Variants in LAT observed in about 807,000 individuals in gnomAD.
LAT encodes the protein linker for activation of T-cells family member 1.
In LAT, 12 loss-of-function variants were observed where a neutral mutation model predicts 39.1. That is an observed-to-expected ratio of 0.31 (90% CI 0.20 to 0.50). The LOEUF is 0.50. LAT is among the 20% of genes least tolerant of loss of function. LAT has a pLI of 0.98. For synonymous variants in LAT, 117 were observed against 123.8 expected, an observed-to-expected ratio of 0.95 and a Z score of 0.36; for missense variants, 253 against 308.0, an observed-to-expected ratio of 0.82 and a Z score of 1.34.
chr16:28,985,953 C>T lies in LAT; in HGVS notation c.163+65C>T, dbSNP rs936101850. On this transcript the variant is annotated intron_variant, in intron 3 of 11. Coordinates refer to ENST00000395456, the MANE Select transcript of LAT (RefSeq NM_001014987.2). The surrounding 1 kb of genome is among the most constrained non-coding windows in gnomAD (Gnocchi z 4.6). ...GAGGGTCCCCTGGTGTGGGAGTGAG[C>T]GTGAACCTTCAGACTTCCCCTGCCA... is the stretch of plus-strand genomic sequence containing the variant. 15 of 1,569,258 alleles carry T rather than the reference C, an allele frequency of 9.6e-6. No individual in the cohort carries two copies. The South Asian group carries it at 1.1e-4, about 12-fold the overall frequency.
chr16:28,985,056 C>T lies in LAT; in HGVS notation c.-362C>T, dbSNP rs543635052. 2.1e-6 allele frequency: 3 copies of T among 1,426,940 alleles called. No individual in the cohort carries two copies. Among genetic ancestry groups the T allele is most frequent in the East Asian group, 5.1e-5 (2 of 38,878 alleles). The allele number at this position is 1,426,940 out of a possible 1,614,324, so 88.4% of individuals were successfully genotyped here. A position where few individuals can be genotyped will look rare whatever the true frequency, so the allele number is the denominator to read the frequency against. On this transcript the variant is annotated 5_prime_UTR_variant, in exon 1 of 12. Transcript: ENST00000395456. This position sits in a 1 kb window ranked among gnomAD's most constrained non-coding sequence, Gnocchi z 4.6. The stretch of plus-strand genomic sequence containing the variant: ...TGCCCTCGCCCGGCGCTCACCACAG[C>T]TTCCTGCCGCAGGCGGGCGGGAGGG...
Position 28,990,000 on chromosome 16 carries a change from G to A in LAT, c.690G>A (p.Gln230=), listed in dbSNP as rs747425519. The A allele has an allele frequency of 1.2e-6, 2 of 1,613,580 alleles. No homozygotes were observed. Among genetic ancestry groups the A allele is most frequent in the East Asian group, 2.2e-5 (1 of 44,880 alleles). Residue 230 remains glutamine, a synonymous_variant, in exon 11 of 12, where the codon CAG becomes CAA. Transcript: ENST00000395456. ...GGGCTCCAGATTACGAGAATCTGCA[G>A]GAGCTGAACTGAGGGCCTGGTGAGA... ...EEGAPDYENL[Q]ELN is the part of the protein sequence containing the mutation.
chr16:28,984,807 C>T, upstream of LAT: 1 of 1,512,702 alleles, frequency 6.6e-7, no homozygotes. Context: ...CCCTTTGTAC[C>T]CCAGAATTCC....
Position 28,985,365 on chromosome 16 carries a change from C to T in LAT, c.-53C>T. Reference sequence around the variant, plus strand: ...ACCCCATCTTCATCTGGCCTTGACTCTGCCCTTGAGGGGCCTAGGGGTGCA... The same window carrying T: ...ACCCCATCTTCATCTGGCCTTGACTTTGCCCTTGAGGGGCCTAGGGGTGCA... On this transcript the variant is annotated 5_prime_UTR_variant, in exon 1 of 12. Transcript: ENST00000395456. The surrounding 1 kb of genome is among the most constrained non-coding windows in gnomAD (Gnocchi z 4.6). 1 of 1,609,096 alleles carries T rather than the reference C, an allele frequency of 6.2e-7. No individual in the cohort carries two copies. The highest frequency in any genetic ancestry group is 8.5e-7 in the Non-Finnish European group (1 of 1,178,230).
chr16:28,989,719 C>G, intron 9 of LAT, 55 bp from the exon 10 acceptor site: 3 of 1,603,610 alleles, frequency 1.9e-6, no homozygotes, highest in Non-Finnish European at 2.6e-6. Context: ...CCCTTGCTCT[C>G]TCGCCCTCCT....
Position 28,986,363 on chromosome 16 carries a change from C to G in LAT, c.246-19C>G. The G allele has an allele frequency of 6.2e-7, 1 of 1,613,508 alleles. No individual in the cohort carries two copies. Among genetic ancestry groups the G allele is most frequent in the African/African-American group, 1.3e-5 (1 of 75,056 alleles). On this transcript the variant is annotated intron_variant, in intron 4 of 11. Transcript: ENST00000395456. The surrounding 1 kb of genome is among the most constrained non-coding windows in gnomAD (Gnocchi z 5.7). The stretch of plus-strand genomic sequence containing the variant: ...CCTGAGCCCCACCTCAGGCATGACC[C>G]CTGACCTTTGACTCCCAGAAGATCC...
In LAT at chr16:28,986,780, C is replaced by T; in HGVS notation, c.399-19C>T. 1.2e-6 allele frequency: 2 copies of T among 1,612,620 alleles called. No individual in the cohort carries two copies. The highest frequency in any genetic ancestry group is 1.7e-6 in the Non-Finnish European group (2 of 1,179,082). ...TGTGCGTCCCCCCTTGCTCACCGGC[C>T]CTTTTCACTTCCTTTCAGGGTGGTG... On this transcript the variant is annotated intron_variant, in intron 7 of 11. Transcript: ENST00000395456. This position sits in a 1 kb window ranked among gnomAD's most constrained non-coding sequence, Gnocchi z 5.7.
In LAT at chr16:28,985,524, G is replaced by C. The variant is rs1320863142; in HGVS notation, c.100+7G>C. On this transcript the variant is annotated splice_region_variant and intron_variant, in intron 1 of 11. Transcript: ENST00000395456. This position sits in a 1 kb window ranked among gnomAD's most constrained non-coding sequence, Gnocchi z 4.6. ...CACTGCCACAGACTGCCAGGTGAGT[G>C]GGAAACTGGTGGGGGTACCCAGGGC... 3 of 1,612,730 alleles carry C rather than the reference G, an allele frequency of 1.9e-6. No individual in the cohort carries two copies. The Admixed American group carries it at 5.0e-5, about 27-fold the overall frequency.
In LAT at chr16:28,986,008, G is replaced by C; in HGVS notation, c.163+120G>C. On this transcript the variant is annotated intron_variant, in intron 3 of 11. Transcript: ENST00000395456. The surrounding 1 kb of genome is among the most constrained non-coding windows in gnomAD (Gnocchi z 5.7). The stretch of plus-strand genomic sequence containing the variant: ...GGGGCTGCCCACATGGCCTTGACCT[G>C]AGCTGGGAGAGGGGAGATGGCTCCC... The C allele has an allele frequency of 7.0e-7, 1 of 1,418,872 alleles. No individual in the cohort carries two copies. The highest frequency in any genetic ancestry group is 1.0e-6 in the Non-Finnish European group (1 of 1,004,592). 87.9% of individuals were successfully genotyped at this position (1,418,872 alleles called of 1,614,324 possible).
rs764064908 is a variant in LAT, at chr16:28,986,505, G to C, written c.311-35G>C. On this transcript the variant is annotated intron_variant, in intron 5 of 11. Transcript: ENST00000395456. The surrounding 1 kb of genome is among the most constrained non-coding windows in gnomAD (Gnocchi z 5.7). ...TGGGAAGAAGATAGGCCTGGCCTGA[G>C]CTGACTTAGTCTCCCTCTCACCCTC... 2 of 1,611,374 alleles carry C rather than the reference G, an allele frequency of 1.2e-6. No individual in the cohort carries two copies. The highest frequency in any genetic ancestry group is 1.7e-5 in the Admixed American group (1 of 59,938).
chr16:28,988,108 GATAAA>G (rs1965799392), intron 8 of LAT: 3 of 150,114 alleles, frequency 2.0e-5, no homozygotes, highest in Admixed American at 6.7e-5. Flanking sequence ...AAAAAAAAAA[GATAAA>G]ATAGCTAAGA....
chr16:28,988,571 C>G (rs1266003069), intron 8 of LAT: 1 of 152,064 alleles, frequency 6.6e-6, no homozygotes, highest in South Asian at 2.1e-4. Context: ...ATTAGCAGGG[C>G]GTGGTGGCGG....
chr16:28,985,044 C>G (rs933184318), upstream of LAT: 10 of 1,427,196 alleles, frequency 7.0e-6, no homozygotes, highest in Admixed American at 2.9e-5. The surrounding 1 kb of genome is among the most constrained non-coding windows in gnomAD (Gnocchi z 4.6). Context: ...CCTCGCCCGG[C>G]GCTCACCACA....
chr16:28,986,891 C>T lies in LAT; in HGVS notation c.491C>T (p.Ser164Phe). The change falls in exon 8 of 12, where the codon TCC (serine) becomes TTC (phenylalanine). Residue 164 changes from serine (S) to phenylalanine (F), a missense_variant and splice_region_variant. By Grantham distance (155) the Ser-to-Phe change is radical. Coordinates refer to ENST00000395456, the MANE Select transcript of LAT (RefSeq NM_001014987.2). The surrounding 1 kb of genome is among the most constrained non-coding windows in gnomAD (Gnocchi z 5.7). ...CCTGGCATCCGAGACAGTGCCTTCT[C>T]CAGTGAGTCAGGCATTTGTTTTTAT... ...STPGIRDSAF[S>F]MESIDDYVNV... 6.2e-7 allele frequency: 1 copy of T among 1,613,158 alleles called. No homozygotes were observed. Among genetic ancestry groups the T allele is most frequent in the Non-Finnish European group, 8.5e-7 (1 of 1,179,258 alleles).
Position 28,986,635 on chromosome 16 carries a change from A to T in LAT, c.341-22A>T. 6.2e-7 allele frequency: 1 copy of T among 1,613,754 alleles called. No individual in the cohort carries two copies. Among genetic ancestry groups the T allele is most frequent in the Non-Finnish European group, 8.5e-7 (1 of 1,179,928 alleles). ...CTGGGGTCCGTCCTGGACTAGGCTG[A>T]CCCCTGTGTCGTTACCCCCAGAACC... On this transcript the variant is annotated intron_variant, in intron 6 of 11. Coordinates refer to ENST00000395456, the MANE Select transcript of LAT (RefSeq NM_001014987.2). The surrounding 1 kb of genome is among the most constrained non-coding windows in gnomAD (Gnocchi z 5.7).
rs1008809149 is a variant in LAT, at chr16:28,985,713, G to C, written c.101G>C (p.Gly34Ala). ...GCCTCACCAGCCCTCTCTTTCCCAG[G>C]CTCCTACGACAGCACATCCTCAGAT... The part of the protein sequence containing the change: ...ALCVHCHRLP[G>A]SYDSTSSDSL... Residue 34 changes from glycine to alanine, a missense_variant and splice_region_variant, in exon 2 of 12, where the codon GGC becomes GCC. Coordinates refer to ENST00000395456, the MANE Select transcript of LAT (RefSeq NM_001014987.2). This position sits in a 1 kb window ranked among gnomAD's most constrained non-coding sequence, Gnocchi z 4.6. 1.2e-6 allele frequency: 2 copies of C among 1,613,654 alleles called. No homozygotes were observed. Among genetic ancestry groups the C allele is most frequent in the Non-Finnish European group, 1.7e-6 (2 of 1,179,934 alleles).
Position 28,986,342 on chromosome 16 carries a change from A to G in LAT, c.246-40A>G. On this transcript the variant is annotated intron_variant, in intron 4 of 11. Transcript: ENST00000395456. This position sits in a 1 kb window ranked among gnomAD's most constrained non-coding sequence, Gnocchi z 5.7. The stretch of plus-strand genomic sequence containing the variant: ...CTTTTGCAACTGCTGTTGCCCCCTG[A>G]GCCCCACCTCAGGCATGACCCCTGA... The G allele has an allele frequency of 6.2e-7, 1 of 1,608,092 alleles. No individual in the cohort carries two copies. Among genetic ancestry groups the G allele is most frequent in the Non-Finnish European group, 8.5e-7 (1 of 1,175,978 alleles).
At position 28,985,948 on chromosome 16, in the gene LAT, G is replaced by A. The variant is rs1258539122; in HGVS notation, c.163+60G>A. On this transcript the variant is annotated intron_variant, in intron 3 of 11. Transcript: ENST00000395456. This position sits in a 1 kb window ranked among gnomAD's most constrained non-coding sequence, Gnocchi z 4.6. ...AGGGAGAGGGTCCCCTGGTGTGGGA[G>A]TGAGCGTGAACCTTCAGACTTCCCC... 8 of 1,583,868 alleles carry A rather than the reference G, an allele frequency of 5.1e-6. No homozygotes were observed. In the Admixed American group the frequency reaches 1.2e-4, roughly 23 times the overall value.
intron 8 of LAT, chr16:28,988,107 A>C (rs1234006398): frequency 6.6e-6 from 1 of 151,144 alleles, no homozygotes; most frequent in African/African-American, 2.4e-5. Flanking sequence ...AAAAAAAAAA[A>C]GATAAAATAG....
Sources: gnomAD v4.1 joint callset for allele counts on GRCh38, gnomAD v4.1.1 for gene constraint, Gnocchi (gnomAD v3.1) non-coding constraint, MANE v1.5 for transcripts, NCBI Gene and HGNC (gene_info 2026-07-23, HGNC 2026-07-21) for gene names.